The following ZNF646 variants were observed in gnomAD, a reference collection of about 807,000 sequenced individuals.
ZNF646 encodes zinc finger protein 646.
In ZNF646, 49 loss-of-function variants were observed where a neutral mutation model predicts 115.4. That is an observed-to-expected ratio of 0.42 (90% CI 0.34 to 0.54). The LOEUF is 0.54. ZNF646 is among the 20% of genes least tolerant of loss of function. The pLI, the probability that ZNF646 is intolerant of heterozygous loss-of-function variation, is 0.04. For missense variants in ZNF646, 2,269 were observed against 2,457.9 expected (o/e 0.92, Z 1.62); for synonymous variants, 933 against 939.0 (o/e 0.99, Z 0.12).
chr16:31,083,053 T>C lies in ZNF646; in HGVS notation c.5460T>C (p.Pro1820=). Residue 1820 remains proline (P), a synonymous_variant, in exon 3 of 3, where the codon CCT becomes CCC. Transcript: ENST00000300850. ...PPTPTTPLLD[P]SPQWPADLSF... is the part of the protein sequence containing the mutation. Reference sequence around the variant, plus strand: ...CCCCCACGACCCCACTCCTGGATCCTTCACCCCAGTGGCCTGCAGACCTCA... The same window carrying C: ...CCCCCACGACCCCACTCCTGGATCCCTCACCCCAGTGGCCTGCAGACCTCA... 1 of 1,575,494 alleles carries C rather than the reference T, an allele frequency of 6.3e-7. No homozygotes were observed. The highest frequency in any genetic ancestry group is 8.6e-7 in the Non-Finnish European group (1 of 1,158,570).
chr16:31,074,248 C>G (rs1177475465), upstream of ZNF646: 1 of 152,344 alleles, frequency 6.6e-6, no homozygotes, highest in South Asian at 2.1e-4. Context: ...GCTAGCTTAG[C>G]GTGCAAAGAC....
rs771666522 is a variant in ZNF646, at chr16:31,080,896, G to C, written c.4572G>C (p.Gln1524His). ...GGGACAACAGAGACAACAGCTCTCA[G>C]CTGCAGCCAGGGAGCCACTCCTCTT... ...DSWDNRDNSS[Q>H]LQPGSHSSCS... Residue 1524 changes from glutamine (Q) to histidine (H), a missense_variant, in exon 2 of 3, where the codon CAG (glutamine) becomes CAC (histidine). Physicochemically the swap from Gln to His is conservative, Grantham distance 24. Coordinates refer to ENST00000300850, the MANE Select transcript of ZNF646 (RefSeq NM_014699.4). The C allele has an allele frequency of 8.1e-6, 13 of 1,613,922 alleles. No homozygotes were observed. Among genetic ancestry groups the C allele is most frequent in the Admixed American group, 3.3e-5 (2 of 60,004 alleles).
chr16:31,078,437 C>T lies in ZNF646; in HGVS notation c.2113C>T (p.Leu705=). The stretch of plus-strand genomic sequence containing the variant: ...CCGGGAGCTAGAAGACAATGAAGGC[C>T]TGGAGTCTCCCCAAGACCCTTCAGG... The part of the protein sequence containing the change: ...WTRELEDNEG[L]ESPQDPSGES... The change falls in exon 2 of 3, where the codon CTG becomes TTG. Residue 705 remains leucine, a synonymous_variant. Transcript: ENST00000300850. 1 of 1,601,892 alleles carries T rather than the reference C, an allele frequency of 6.2e-7. No individual in the cohort carries two copies. The highest frequency in any genetic ancestry group is 8.5e-7 in the Non-Finnish European group (1 of 1,172,810).
At position 31,083,375 on chromosome 16, in the gene ZNF646, C is replaced by T. The variant is rs1364389718; in HGVS notation, c.*283C>T. On this transcript the variant is annotated 3_prime_UTR_variant, in exon 3 of 3. Transcript: ENST00000300850. The stretch of plus-strand genomic sequence containing the variant: ...GGGAGAGGCGGATGCAGAGCCCCAC[C>T]GGTGGGAAAGTTGCCTGTGGAAGGG... The T allele has an allele frequency of 2.8e-6, 3 of 1,088,766 alleles. No individual in the cohort carries two copies. The highest frequency in any genetic ancestry group is 3.7e-6 in the Non-Finnish European group (3 of 812,790). The allele number at this position is 1,088,766 out of a possible 1,614,324, so 67.4% of individuals were successfully genotyped here. A position where few individuals can be genotyped will look rare whatever the true frequency, so the allele number is the denominator to read the frequency against.
chr16:31,075,578 G>A (rs145976565), intron 1 of ZNF646, among the ~76,000 whole-genome samples: 46 of 152,294 alleles, frequency 3.0e-4, no homozygotes, highest in African/African-American at 9.4e-4. Flanking sequence ...GATTACAGGC[G>A]TGAGCCACCA....
rs886683124 is a variant in ZNF646, at chr16:31,082,853, T to C, written c.5378-118T>C. The C allele has an allele frequency of 5.2e-6, 7 of 1,356,312 alleles. No individual in the cohort carries two copies. The South Asian group carries it at 9.8e-5, about 19-fold the overall frequency. The allele number at this position is 1,356,312 out of a possible 1,614,324, so 84.0% of individuals were successfully genotyped here. A position where few individuals can be genotyped will look rare whatever the true frequency, so the allele number is the denominator to read the frequency against. ...AAATAATTAGGAGGCCTAGAATCCC[T>C]GTTCTCATCTGGGCCTCCGGGGCCA... is the stretch of plus-strand genomic sequence containing the variant. On this transcript the variant is annotated intron_variant, in intron 2 of 2. Transcript: ENST00000300850.
chr16:31,079,678 A>G lies in ZNF646; in HGVS notation c.3354A>G (p.Ala1118=). The G allele has an allele frequency of 6.2e-7, 1 of 1,613,392 alleles. No individual in the cohort carries two copies. The highest frequency in any genetic ancestry group is 8.5e-7 in the Non-Finnish European group (1 of 1,179,934). ...EPQVGPIPEA[A]GSSELQVGPI... ...AGGTTGGGCCCATCCCAGAGGCAGC[A>G]GGTAGCAGTGAGCTGCAGGTTGGGC... The change falls in exon 2 of 3, where the codon GCA becomes GCG. Residue 1118 remains alanine (A), a synonymous_variant. Coordinates refer to ENST00000300850, the MANE Select transcript of ZNF646 (RefSeq NM_014699.4). The surrounding 1 kb of genome is among the most constrained non-coding windows in gnomAD (Gnocchi z 5.5).
upstream of ZNF646, chr16:31,074,157 G>C (rs1288301250): frequency 6.6e-6 from 1 of 152,234 alleles, no homozygotes; most frequent in African/African-American, 2.4e-5. Flanking sequence ...ACTGTGGCCA[G>C]GGCTGTAGAA....
At position 31,079,860 on chromosome 16, in the gene ZNF646, G is replaced by A; in HGVS notation, c.3536G>A (p.Gly1179Glu). 2 of 1,613,162 alleles carry A rather than the reference G, an allele frequency of 1.2e-6. No individual in the cohort carries two copies. Among genetic ancestry groups the A allele is most frequent in the Non-Finnish European group, 1.7e-6 (2 of 1,179,404 alleles). The part of the protein sequence containing the change: ...EEVWEETTVK[G>E]EEIEPRLETA... The stretch of plus-strand genomic sequence containing the variant: ...GTGTGGGAGGAGACCACTGTGAAGG[G>A]GGAGGAGATAGAGCCCAGGCTGGAG... Residue 1179 changes from glycine (G) to glutamate (E), a missense_variant, in exon 2 of 3, where the codon GGG becomes GAG. Physicochemically the swap from Gly to Glu is moderately conservative, Grantham distance 98. This residue lies in a region of ZNF646 where 1,062 missense variants were observed against 1,172.8 expected (regional missense o/e 0.91). Coordinates refer to ENST00000300850, the MANE Select transcript of ZNF646 (RefSeq NM_014699.4). The surrounding 1 kb of genome is among the most constrained non-coding windows in gnomAD (Gnocchi z 5.5).
chr16:31,082,404 C>A, intron 2 of ZNF646: 1 of 176,838 alleles, frequency 5.7e-6, no homozygotes, highest in Non-Finnish European at 1.3e-5. Context: ...TACCTGCGCA[C>A]CCTGCCACCC....
In ZNF646 at chr16:31,080,690, T is replaced by G. The variant is rs114072963; in HGVS notation, c.4366T>G (p.Ser1456Ala). The G allele has an allele frequency of 1.7e-3, 2,710 of 1,613,868 alleles. 30 individuals carry two copies. In the African/African-American group the frequency reaches 0.031, roughly 18 times the overall value. ...AAGCTCAGAAGCCCCAGAGCCACTG[T>G]CCTGGGGTGCAGGGAAGGCAGGTGG... ...AASSEAPEPL[S>A]WGAGKAGGWP... The change falls in exon 2 of 3, where the codon TCC becomes GCC. Residue 1456 changes from serine (S) to alanine (A), a missense_variant. Transcript: ENST00000300850.
chr16:31,078,013 G>A lies in ZNF646; in HGVS notation c.1689G>A (p.Thr563=), dbSNP rs752408941. The change falls in exon 2 of 3, where the codon ACG becomes ACA. Residue 563 remains threonine, a synonymous_variant. Coordinates refer to ENST00000300850, the MANE Select transcript of ZNF646 (RefSeq NM_014699.4). ...TGTGCAAACATGAAGAAGAGGCCAC[G>A]GACATCACCCCAGCAGCAGACAAGA... ...DHVCKHEEEA[T]DITPAADKTA... is the part of the protein sequence containing the mutation. 1.7e-5 allele frequency: 28 copies of A among 1,613,966 alleles called. No homozygotes were observed. Among genetic ancestry groups the A allele is most frequent in the Non-Finnish European group, 2.3e-5 (27 of 1,180,042 alleles).
rs371616266 is a variant in ZNF646, at chr16:31,078,098, C to T, written c.1774C>T (p.Arg592Cys). The T allele has an allele frequency of 4.3e-5, 70 of 1,614,216 alleles. 1 individual carries two copies. The highest frequency in any genetic ancestry group is 8.0e-5 in the African/African-American group (6 of 75,072). ...CTTTGAAGACGCTGAGAGCCTTGAA[C>T]GTCATGGCCTGACTCATGGGGCAGG... ...LLFEDAESLE[R>C]HGLTHGAGEK... The change falls in exon 2 of 3, where the codon CGT (arginine) becomes TGT (cysteine). Residue 592 changes from arginine to cysteine, a missense_variant. Physicochemically the swap from Arg to Cys is radical, Grantham distance 180. This residue lies in a region of ZNF646 where 852 missense variants were observed against 900.2 expected (regional missense o/e 0.95). Coordinates refer to ENST00000300850, the MANE Select transcript of ZNF646 (RefSeq NM_014699.4).
upstream of ZNF646, chr16:31,074,365 C>T (rs1028865416): frequency 6.6e-6 from 1 of 152,254 alleles, no homozygotes; most frequent in African/African-American, 2.4e-5. Context: ...AGGCAGTGCT[C>T]CCGAAGCGGA....
At position 31,083,280 on chromosome 16, in the gene ZNF646, G is replaced by A. The variant is rs1163498577; in HGVS notation, c.*188G>A. The stretch of plus-strand genomic sequence containing the variant: ...GTTCCTCGCGTCCCTGTCCTTGAAG[G>A]ACCTCCTTCCCCCAGCCTCATCACC... On this transcript the variant is annotated 3_prime_UTR_variant, in exon 3 of 3. Coordinates refer to ENST00000300850, the MANE Select transcript of ZNF646 (RefSeq NM_014699.4). 2.0e-6 allele frequency: 2 copies of A among 1,019,312 alleles called. No individual in the cohort carries two copies. The highest frequency in any genetic ancestry group is 3.5e-5 in the Admixed American group (1 of 28,238). 63.1% of individuals were successfully genotyped at this position (1,019,312 alleles called of 1,614,324 possible).
rs753789026 is a variant in ZNF646, at chr16:31,076,688, G to T, written c.364G>T (p.Val122Leu). The change falls in exon 2 of 3, where the codon GTG (valine) becomes TTG (leucine). Residue 122 changes from valine (V) to leucine (L), a missense_variant. This residue lies in a region of ZNF646 where 334 missense variants were observed against 323.5 expected (regional missense o/e 1.03). Coordinates refer to ENST00000300850, the MANE Select transcript of ZNF646 (RefSeq NM_014699.4). ...EATPHLQGETVSTDSWGQRLG... is the reference protein window; with the variant it reads ...EATPHLQGETLSTDSWGQRLG... ...CACTCCACACCTCCAGGGTGAGACG[G>T]TGTCCACTGACTCCTGGGGCCAAAG... 3.7e-6 allele frequency: 6 copies of T among 1,613,472 alleles called. No homozygotes were observed. The highest frequency in any genetic ancestry group is 1.7e-4 in the Middle Eastern group (1 of 6,060).
At position 31,080,271 on chromosome 16, in the gene ZNF646, A is replaced by G. The variant is rs1393446142; in HGVS notation, c.3947A>G (p.Asn1316Ser). The stretch of plus-strand genomic sequence containing the variant: ...TATCGCCACGCCGGCAGCCTCCTGA[A>G]CCACCGGCGCAGCCACGAGACGGGC... ...RTYRHAGSLLNHRRSHETGQY... is the reference protein window; with the variant it reads ...RTYRHAGSLLSHRRSHETGQY... The change falls in exon 2 of 3, where the codon AAC (asparagine) becomes AGC (serine). Residue 1316 changes from asparagine (N) to serine (S), a missense_variant. This residue lies in a region of ZNF646 where 1,062 missense variants were observed against 1,172.8 expected (regional missense o/e 0.91). Transcript: ENST00000300850. The G allele has an allele frequency of 1.2e-6, 2 of 1,612,476 alleles. No individual in the cohort carries two copies. Among genetic ancestry groups the G allele is most frequent in the South Asian group, 1.1e-5 (1 of 91,076 alleles).
Position 31,080,869 on chromosome 16 carries a change from C to G in ZNF646, c.4545C>G (p.Ser1515Arg), listed in dbSNP as rs923077630. 1.2e-6 allele frequency: 2 copies of G among 1,614,006 alleles called. No homozygotes were observed. Among genetic ancestry groups the G allele is most frequent in the African/African-American group, 1.3e-5 (1 of 74,922 alleles). Residue 1515 changes from serine to arginine, a missense_variant, in exon 2 of 3, where the codon AGC becomes AGG. Physicochemically the swap from Ser to Arg is moderately radical, Grantham distance 110. Coordinates refer to ENST00000300850, the MANE Select transcript of ZNF646 (RefSeq NM_014699.4). ...GACCTACTCTGAGTCACATGGATAG[C>G]TGGGACAACAGAGACAACAGCTCTC... is the stretch of plus-strand genomic sequence containing the variant. ...LNGPTLSHMD[S>R]WDNRDNSSQL...
chr16:31,080,950 G>A lies in ZNF646; in HGVS notation c.4626G>A (p.Gln1542=). ...SCSQCGKTYC[Q]SGSLLNHNTN... is the part of the protein sequence containing the mutation. ...GCCAGTGTGGCAAGACTTACTGCCAGTCAGGCAGCCTCTTGAACCACAACA... is the reference window on the plus strand; with the variant it reads ...GCCAGTGTGGCAAGACTTACTGCCAATCAGGCAGCCTCTTGAACCACAACA... Residue 1542 remains glutamine, a synonymous_variant, in exon 2 of 3, where the codon CAG becomes CAA. Coordinates refer to ENST00000300850, the MANE Select transcript of ZNF646 (RefSeq NM_014699.4). 6.2e-7 allele frequency: 1 copy of A among 1,614,124 alleles called. No individual in the cohort carries two copies. Among genetic ancestry groups the A allele is most frequent in the Non-Finnish European group, 8.5e-7 (1 of 1,180,034 alleles).
Sources: gnomAD v4.1 joint callset for allele counts (sites outside exome capture counted in the v4.1 genomes callset) on GRCh38, gnomAD v4.1.1 for gene constraint, gnomAD v4.1.1 regional missense constraint, Gnocchi (gnomAD v3.1) non-coding constraint, MANE v1.5 for transcripts, NCBI Gene and HGNC (gene_info 2026-07-23, HGNC 2026-07-21) for gene names.